Variants in CDKAL1 observed in about 807,000 individuals in gnomAD.
The protein encoded by CDKAL1 is CDKAL1 threonylcarbamoyladenosine tRNA methylthiotransferase.
CDKAL1 carries 32 observed loss-of-function variants against 68.2 expected under a neutral mutation model. The ratio of observed to expected loss-of-function variants is 0.47; its 90% CI spans 0.35 to 0.63. The LOEUF is 0.63. CDKAL1 is among the 30% of genes least tolerant of loss of function. The pLI is 0.00. For missense variants in CDKAL1, 606 were observed against 696.7 expected (o/e 0.87, Z 1.47); for synonymous variants, 234 against 244.3 (o/e 0.96, Z 0.39).
intron 12 of CDKAL1, among the ~76,000 whole-genome samples, chr6:21,068,304 C>G (rs533167441): frequency 6.6e-6 from 1 of 152,042 alleles, no homozygotes; most frequent in African/African-American, 2.4e-5. Flanking sequence ...CATAAAGATA[C>G]CCCTCAATGT....
rs575634183 is a variant in CDKAL1 at position 20,659,000 on chromosome 6, A to T, written c.371+9623A>T. The stretch of plus-strand genomic sequence containing the variant: ...CAGCCAATCTGTTATTATTATTATT[A>T]TTTTTTTTTAGTAGAGAGGGGGTCT... On this transcript the variant is annotated intron_variant, in intron 5 of 15. Transcript: ENST00000274695. 6.6e-4 allele frequency among the ~76,000 whole-genome samples: 99 copies of T among 150,172 alleles called. 1 individual carries two copies. Among genetic ancestry groups the T allele is most frequent in the South Asian group, 3.8e-3 (18 of 4,724 alleles).
intron 6 of CDKAL1, among the ~76,000 whole-genome samples, chr6:20,749,768 C>T (rs894755503): frequency 1.1e-4 from 16 of 152,024 alleles, no homozygotes; most frequent in African/African-American, 3.6e-4. Flanking sequence ...AAGAGGGTCT[C>T]GATCTTCTGA....
chr6:21,166,365 T>C (rs1777152258), intron 13 of CDKAL1, among the ~76,000 whole-genome samples: 1 of 152,120 alleles, frequency 6.6e-6, no homozygotes, highest in Admixed American at 6.6e-5. Flanking sequence ...GATTTGGACT[T>C]TGTAAAGAAA....
intron 13 of CDKAL1, among the ~76,000 whole-genome samples, chr6:21,141,026 G>A (rs1045619418): frequency 6.6e-6 from 1 of 152,066 alleles, no homozygotes; most frequent in Non-Finnish European, 1.5e-5. Context: ...AGACCAGCAC[G>A]GGACCCATCA....
At chr6:20,810,245 G>C (rs1230795186) in intron 8 of CDKAL1, among the ~76,000 whole-genome samples, 1 of 152,042 alleles carries the variant, frequency 6.6e-6, no homozygotes, top group African/African-American at 2.4e-5. Flanking sequence ...CACCACCCTT[G>C]CCCCTTCTCT....
chr6:21,094,512 C>T (rs1366925831), intron 12 of CDKAL1, among the ~76,000 whole-genome samples: 1 of 152,042 alleles, frequency 6.6e-6, no homozygotes, highest in Non-Finnish European at 1.5e-5. Context: ...TAGACAAACT[C>T]TCCAAGATAG....
chr6:21,174,265 T>C (rs1013203965), intron 13 of CDKAL1, among the ~76,000 whole-genome samples: 20 of 152,192 alleles, frequency 1.3e-4, no homozygotes, highest in African/African-American at 4.6e-4. Flanking sequence ...ACAGATAATG[T>C]ATTCTTGTAT....
chr6:20,989,379 A>G (rs1766667481), intron 10 of CDKAL1, among the ~76,000 whole-genome samples: 1 of 152,264 alleles, frequency 6.6e-6, no homozygotes, highest in South Asian at 2.1e-4. Flanking sequence ...AGTCTTAACT[A>G]AAGCAGTTAA....
At chr6:21,096,051 AGT>A (rs1773297377) in intron 12 of CDKAL1, among the ~76,000 whole-genome samples, 1 of 152,170 alleles carries the variant, frequency 6.6e-6, no homozygotes, top group Non-Finnish European at 1.5e-5. Flanking sequence ...TAGAAAGGAG[AGT>A]TATCAAACCT....
intron 9 of CDKAL1, among the ~76,000 whole-genome samples, chr6:20,857,319 T>C (rs1259523147): frequency 6.6e-6 from 1 of 152,134 alleles, no homozygotes; most frequent in African/African-American, 2.4e-5. Context: ...GACAATATAA[T>C]TGGGTAAGAA....
At chr6:20,773,465 A>G (rs1436437821) in intron 7 of CDKAL1, among the ~76,000 whole-genome samples, 1 of 152,238 alleles carries the variant, frequency 6.6e-6, no homozygotes, top group Non-Finnish European at 1.5e-5. Context: ...TTTGTATAAT[A>G]TTCTTAAATA....
chr6:20,822,821 C>T (rs1452206349), intron 8 of CDKAL1, among the ~76,000 whole-genome samples: 1 of 152,116 alleles, frequency 6.6e-6, no homozygotes, highest in Non-Finnish European at 1.5e-5. Flanking sequence ...TTTAAGTTTC[C>T]AAGCCTCCCC....
chr6:20,821,293 G>T (rs1431139025), intron 8 of CDKAL1, among the ~76,000 whole-genome samples: 4 of 152,070 alleles, frequency 2.6e-5, no homozygotes, highest in African/African-American at 9.7e-5. Flanking sequence ...GAAGAAGAGA[G>T]AATGGGTTGC....
chr6:20,866,992 A>G (rs745537903), intron 9 of CDKAL1, among the ~76,000 whole-genome samples: 47 of 152,218 alleles, frequency 3.1e-4, no homozygotes, highest in African/African-American at 6.0e-4. Context: ...GGTGACTTAT[A>G]CAGTAGACCC....
intron 9 of CDKAL1, among the ~76,000 whole-genome samples, chr6:20,911,563 A>G (rs1288545136): frequency 6.6e-6 from 1 of 152,236 alleles, no homozygotes; most frequent in Non-Finnish European, 1.5e-5. Context: ...TGCTACAAGT[A>G]AGGTTTTCAC....
At chr6:21,170,873 A>C (rs989883518) in intron 13 of CDKAL1, among the ~76,000 whole-genome samples, 1 of 152,206 alleles carries the variant, frequency 6.6e-6, no homozygotes, top group Non-Finnish European at 1.5e-5. Flanking sequence ...TATAAATGAT[A>C]ATCTGTTTAC....
intron 12 of CDKAL1, among the ~76,000 whole-genome samples, chr6:21,072,857 T>G (rs993625130): frequency 6.6e-6 from 1 of 152,148 alleles, no homozygotes; most frequent in Non-Finnish European, 1.5e-5. Context: ...AAGTCCATAG[T>G]TTACATTAGG....
At chr6:21,154,778 A>G (rs1776564011) in intron 13 of CDKAL1, among the ~76,000 whole-genome samples, 1 of 152,142 alleles carries the variant, frequency 6.6e-6, no homozygotes, top group Non-Finnish European at 1.5e-5. Context: ...TCACGAAGTC[A>G]AGAGATGGAG....
intron 4 of CDKAL1, among the ~76,000 whole-genome samples, chr6:20,600,568 C>G (rs1214308096): frequency 6.6e-6 from 1 of 151,810 alleles, no homozygotes; most frequent in Non-Finnish European, 1.5e-5. Context: ...AGTGACTGAA[C>G]AAACATGAGT....
Sources: allele counts gnomAD v4.1 joint callset (sites outside exome capture counted in the v4.1 genomes callset), GRCh38; gene constraint gnomAD v4.1.1; transcripts MANE v1.5; gene names NCBI Gene and HGNC (gene_info 2026-07-23, HGNC 2026-07-21).